The following ZNF346 variants were observed in gnomAD, a reference collection of about 807,000 sequenced individuals.
ZNF346 encodes the protein double-stranded RNA-binding zinc finger protein JAZ.
Under a neutral mutation model 33.7 loss-of-function variants are expected in ZNF346, and 23 were observed. The observed-to-expected ratio is 0.68, with a 90% CI of 0.49 to 0.97. The LOEUF (loss-of-function observed/expected upper bound fraction) is 0.97. ZNF346 is among the 50% of genes least tolerant of loss of function. The probability of loss-of-function intolerance (pLI) is 0.00; values close to 1 mark genes in which losing one functional copy is unlikely to be tolerated. For synonymous variants in ZNF346, 134 were observed against 142.4 expected (o/e 0.94, Z 0.42); for missense variants, 340 against 371.1 (o/e 0.92, Z 0.69).
At position 177,040,301 on chromosome 5, in the gene ZNF346, A is replaced by G. The variant is rs1779168495; in HGVS notation, c.176-825A>G. Among the ~76,000 whole-genome samples the G allele has an allele frequency of 3.3e-5, 5 of 152,104 alleles. 1 individual carries two copies. The South Asian group carries it at 1.0e-3, about 32-fold the overall frequency. On this transcript the variant is annotated intron_variant, in intron 1 of 6. Transcript: ENST00000358149. ...AATAATTTAAGCACAGGTTAATACC[A>G]TGTTTCATATAGTGTGGCACTTATA...
Position 177,064,678 on chromosome 5 carries a change from T to C in ZNF346, c.*79T>C. On this transcript the variant is annotated 3_prime_UTR_variant, in exon 7 of 7. Coordinates refer to ENST00000358149, the MANE Select transcript of ZNF346 (RefSeq NM_012279.4). The stretch of plus-strand genomic sequence containing the variant: ...GACTGCTCAGCCCTTGGCTCCCTCT[T>C]GCTCGTTGTTCTCACCAGGAAAGTA... The C allele has an allele frequency of 8.5e-7, 1 of 1,181,028 alleles. No individual in the cohort carries two copies. The highest frequency in any genetic ancestry group is 1.3e-6 in the Non-Finnish European group (1 of 788,330). The allele number at this position is 1,181,028 out of a possible 1,614,324, so 73.2% of individuals were successfully genotyped here.
chr5:177,064,489 C>T, intron 6 of ZNF346, 23 bp from the exon 7 acceptor site: 1 of 1,602,088 alleles, frequency 6.2e-7, no homozygotes. Flanking sequence ...TGACCCTCTT[C>T]CTTTGTTCCT....
intron 8 of ZNF346, among the ~76,000 whole-genome samples, chr5:177,073,285 G>A (rs1170543434): frequency 1.3e-5 from 2 of 152,162 alleles, no homozygotes; most frequent in Non-Finnish European, 2.9e-5. Context: ...CCATTGCTGG[G>A]ATTTCACAGG....
Position 177,041,152 on chromosome 5 carries a change from T to G in ZNF346, c.202T>G (p.Cys68Gly). The change falls in exon 2 of 7, where the codon TGT (cysteine) becomes GGT (glycine). Residue 68 changes from cysteine (C) to glycine (G), a missense_variant. Transcript: ENST00000358149. ...GGAGCACATGATCCAGAAGAACCAA[T>G]GTCTCTTCACCAACACCCAGTGTAA... ...EVEHMIQKNQ[C>G]LFTNTQCKVC... 1 of 1,614,180 alleles carries G rather than the reference T, an allele frequency of 6.2e-7. No homozygotes were observed. The highest frequency in any genetic ancestry group is 1.3e-5 in the African/African-American group (1 of 75,054).
At chr5:177,039,076 A>G (rs1248892934) in intron 1 of ZNF346, among the ~76,000 whole-genome samples, 1 of 151,444 alleles carries the variant, frequency 6.6e-6, no homozygotes, top group Admixed American at 6.6e-5. Flanking sequence ...TTTTTAGTAG[A>G]GATGGGGTTT....
intron 1 of ZNF346, among the ~76,000 whole-genome samples, chr5:177,039,702 TC>T (rs1163517934): frequency 4.6e-5 from 7 of 152,136 alleles, no homozygotes; most frequent in Admixed American, 3.9e-4. Flanking sequence ...GGTCTCAAAC[TC>T]CTGGGCTCAA....
downstream of ZNF346, among the ~76,000 whole-genome samples, chr5:177,071,578 G>T (rs181180288): frequency 2.0e-5 from 3 of 149,850 alleles, no homozygotes; most frequent in East Asian, 5.9e-4. Flanking sequence ...CCCAGCTACC[G>T]GGAGGCTGAG....
downstream of ZNF346, among the ~76,000 whole-genome samples, chr5:177,072,540 T>A (rs74389812): frequency 0.012 from 1,758 of 152,252 alleles, 11 homozygotes; most frequent in South Asian, 0.026. Flanking sequence ...AAGGACAGCC[T>A]GCTTCAGAAC....
At chr5:177,058,164 G>A (rs936985572) in intron 5 of ZNF346, among the ~76,000 whole-genome samples, 2 of 150,190 alleles carry the variant, frequency 1.3e-5, no homozygotes, top group African/African-American at 2.4e-5. Flanking sequence ...GAAGAATATC[G>A]ATACTTTTTT....
chr5:177,044,280 G>A, intron 3 of ZNF346, 109 bp from the exon 4 acceptor site: 1 of 1,133,244 alleles, frequency 8.8e-7, no homozygotes, highest in Non-Finnish European at 1.3e-6. Context: ...TGGGGTTAAT[G>A]TGTGAGGGGG....
intron 8 of ZNF346, among the ~76,000 whole-genome samples, chr5:177,074,270 A>C (rs1343766252): frequency 6.6e-6 from 1 of 152,076 alleles, no homozygotes; most frequent in Non-Finnish European, 1.5e-5. Context: ...TTCTTTGAAA[A>C]ACCCCACCCT....
At chr5:177,053,897 G>T (rs1781310078) in intron 5 of ZNF346, among the ~76,000 whole-genome samples, 1 of 152,082 alleles carries the variant, frequency 6.6e-6, no homozygotes, top group East Asian at 1.9e-4. Context: ...TATATACGGT[G>T]TTTTTCTCTC....
intron 5 of ZNF346, among the ~76,000 whole-genome samples, chr5:177,057,881 G>A (rs1419140965): frequency 6.6e-6 from 1 of 151,134 alleles, no homozygotes; most frequent in Non-Finnish European, 1.5e-5. Context: ...GAGTGCAATG[G>A]CGCAATCTCG....
intron 6 of ZNF346, among the ~76,000 whole-genome samples, chr5:177,064,195 G>A (rs1030184116): frequency 2.0e-5 from 3 of 152,154 alleles, no homozygotes; most frequent in Non-Finnish European, 4.4e-5. Flanking sequence ...GCAGTGGTTT[G>A]GTATAGTGAA....
intron 5 of ZNF346, among the ~76,000 whole-genome samples, chr5:177,060,843 G>A (rs535753272): frequency 5.9e-5 from 9 of 151,794 alleles, no homozygotes; most frequent in African/African-American, 1.9e-4. Flanking sequence ...TGGGGTGGTG[G>A]CTTACGCCTG....
At chr5:177,030,785 TCATCCCTGG>T (rs1285962566) in intron 1 of ZNF346, among the ~76,000 whole-genome samples, 4 of 152,084 alleles carry the variant, frequency 2.6e-5, no homozygotes, top group African/African-American at 9.7e-5. Context: ...CTAGGAGCAA[TCATCCCTGG>T]CAACGACTTA....
intron 1 of ZNF346, among the ~76,000 whole-genome samples, chr5:177,037,716 C>G (rs911601091): frequency 1.3e-5 from 2 of 152,168 alleles, no homozygotes; most frequent in African/African-American, 4.8e-5. Context: ...CAGCCTTCTC[C>G]TTGTTCTTTC....
At chr5:177,026,151 T>A (rs571618094) in intron 1 of ZNF346, among the ~76,000 whole-genome samples, 87 of 151,272 alleles carry the variant, frequency 5.8e-4, no homozygotes, top group Non-Finnish European at 1.2e-3. Flanking sequence ...ATTACAGGTG[T>A]TCACCACCAC....
chr5:177,024,108 C>T (rs977295207), intron 1 of ZNF346, among the ~76,000 whole-genome samples: 4 of 141,912 alleles, frequency 2.8e-5, no homozygotes, highest in African/African-American at 1.1e-4. Flanking sequence ...TATATACACA[C>T]ATAAATCTGT....
Sources: gnomAD v4.1 joint callset for allele counts (sites outside exome capture counted in the v4.1 genomes callset) on GRCh38, gnomAD v4.1.1 for gene constraint, MANE v1.5 for transcripts, NCBI Gene and HGNC (gene_info 2026-07-23, HGNC 2026-07-21) for gene names.